The following COL19A1 variants were observed in gnomAD, a reference collection of about 807,000 sequenced individuals.
COL19A1 encodes the protein collagen alpha-1(XIX) chain.
COL19A1 carries 159 observed loss-of-function variants against 190.2 expected under a neutral mutation model. The observed-to-expected ratio is 0.84, with a 90% CI of 0.73 to 0.95. The LOEUF (loss-of-function observed/expected upper bound fraction) is 0.95, where lower values mean the gene tolerates loss of function less well. COL19A1 is among the 40% of genes least tolerant of loss of function. The pLI, the probability that COL19A1 is intolerant of heterozygous loss-of-function variation, is 0.00. For synonymous variants in COL19A1, 509 were observed against 458.9 expected, an observed-to-expected ratio of 1.11 and a Z score of -1.39; for missense variants, 1,418 against 1,431.9, an observed-to-expected ratio of 0.99 and a Z score of 0.16.
intron 11 of COL19A1, among the ~76,000 whole-genome samples, chr6:69,972,025 A>G (rs189609207): frequency 6.6e-6 from 1 of 152,332 alleles, no homozygotes; most frequent in East Asian, 1.9e-4. Flanking sequence ...CTCAGAACTC[A>G]TCTCTTCCCA....
chr6:69,982,265 C>G (rs2150066073), intron 11 of COL19A1, among the ~76,000 whole-genome samples: 1 of 129,358 alleles, frequency 7.7e-6, no homozygotes, highest in Non-Finnish European at 1.7e-5. Context: ...AGTCTCAGCT[C>G]ACTGCTACCT....
At chr6:70,106,441 C>T (rs1248248854) in intron 16 of COL19A1, among the ~76,000 whole-genome samples, 1 of 151,986 alleles carries the variant, frequency 6.6e-6, no homozygotes, top group African/African-American at 2.4e-5. Flanking sequence ...TTTACTAACA[C>T]TAGTTTTATT....
At chr6:69,989,452 A>G (rs2150072705) in intron 11 of COL19A1, among the ~76,000 whole-genome samples, 1 of 151,044 alleles carries the variant, frequency 6.6e-6, no homozygotes, top group African/African-American at 2.4e-5. Flanking sequence ...ACGTCCCTCT[A>G]TTTCTTTTGA....
intron 18 of COL19A1, among the ~76,000 whole-genome samples, chr6:70,133,755 A>G (rs182072521): frequency 1.3e-5 from 2 of 152,320 alleles, no homozygotes; most frequent in Non-Finnish European, 1.5e-5. Context: ...CTCTACAGTG[A>G]TAAATCACTG....
chr6:70,145,850 A>G (rs990132031), intron 25 of COL19A1, among the ~76,000 whole-genome samples: 4 of 151,384 alleles, frequency 2.6e-5, no homozygotes, highest in Non-Finnish European at 4.4e-5. Flanking sequence ...CCTCCTGAAT[A>G]GTGGTGACAA....
intron 14 of COL19A1, among the ~76,000 whole-genome samples, chr6:70,052,111 G>C (rs1037138236): frequency 6.6e-6 from 1 of 152,060 alleles, no homozygotes; most frequent in African/African-American, 2.4e-5. Context: ...TTAGAAAACT[G>C]CAACAGACTC....
chr6:70,049,500 G>A (rs796664254), intron 14 of COL19A1, among the ~76,000 whole-genome samples: 19 of 152,052 alleles, frequency 1.2e-4, no homozygotes, highest in African/African-American at 3.4e-4. Flanking sequence ...CAGTTGGCTC[G>A]TTCGACATGG....
intron 1 of COL19A1, among the ~76,000 whole-genome samples, chr6:69,869,887 C>T (rs1767720924): frequency 6.6e-6 from 1 of 152,128 alleles, no homozygotes; most frequent in African/African-American, 2.4e-5. Context: ...GAAGTAATAA[C>T]AAAACTGAGG....
At position 70,172,034 on chromosome 6, in the gene COL19A1, G is replaced by A. The variant is rs755606235; in HGVS notation, c.2622+17G>A. On this transcript the variant is annotated intron_variant, in intron 41 of 50. Coordinates refer to ENST00000620364, the MANE Select transcript of COL19A1 (RefSeq NM_001858.6). ...GGTGTAAAGGTAAGCACAGAAGTTA[G>A]AAATGTGTTCATTTATTCAACATTC... The A allele has an allele frequency of 1.2e-6, 2 of 1,606,420 alleles. No homozygotes were observed. The highest frequency in any genetic ancestry group is 1.1e-5 in the South Asian group (1 of 88,876).
intron 34 of COL19A1, among the ~76,000 whole-genome samples, chr6:70,160,436 A>G (rs1047440765): frequency 1.3e-5 from 2 of 152,150 alleles, no homozygotes; most frequent in Admixed American, 6.6e-5. Context: ...ACTCAGAGCC[A>G]AATCATATCA....
Position 70,159,272 on chromosome 6 carries a change from T to C in COL19A1, c.2292+2549T>C, listed in dbSNP as rs185491583. Among the ~76,000 whole-genome samples the C allele has an allele frequency of 2.0e-3, 306 of 152,118 alleles. 3 individuals are homozygous for C. Among genetic ancestry groups the C allele is most frequent in the African/African-American group, 5.6e-3 (232 of 41,536 alleles). On this transcript the variant is annotated intron_variant, in intron 34 of 50. Coordinates refer to ENST00000620364, the MANE Select transcript of COL19A1 (RefSeq NM_001858.6). ...GTATAACATTTATAATCTCCAGTCA[T>C]TTAGAGGTGCCATTATCAATGAAAA...
chr6:70,109,626 C>T (rs975602959), intron 16 of COL19A1, among the ~76,000 whole-genome samples: 5 of 149,822 alleles, frequency 3.3e-5, no homozygotes, highest in Admixed American at 2.0e-4. Flanking sequence ...AATTACTGTT[C>T]CTACTGATTC....
chr6:70,065,769 A>G (rs1225503332), intron 14 of COL19A1, among the ~76,000 whole-genome samples: 5 of 152,318 alleles, frequency 3.3e-5, no homozygotes, highest in East Asian at 1.9e-4. Flanking sequence ...CAAGAAAAAA[A>G]CAAACAACCC....
intron 11 of COL19A1, among the ~76,000 whole-genome samples, chr6:70,003,110 A>ACTT (rs201189735): frequency 0.014 from 2,104 of 152,216 alleles, 43 homozygotes; most frequent in East Asian, 0.069. Context: ...GTTTCAAAGA[A>ACTT]CTTGATTTCT....
chr6:70,122,528 A>G (rs1784943400), intron 17 of COL19A1, among the ~76,000 whole-genome samples: 1 of 152,204 alleles, frequency 6.6e-6, no homozygotes, highest in South Asian at 2.1e-4. Context: ...GTGGCAGCCA[A>G]GAGAAGATCT....
chr6:69,912,146 A>T (rs541821849), intron 4 of COL19A1, among the ~76,000 whole-genome samples: 2 of 152,182 alleles, frequency 1.3e-5, no homozygotes, highest in East Asian at 3.9e-4. Flanking sequence ...GGAATCCTAC[A>T]TATCCTAGAA....
At position 69,951,170 on chromosome 6, in the gene COL19A1, T is replaced by G. The variant is rs531776070; in HGVS notation, c.937-8826T>G. On this transcript the variant is annotated intron_variant, in intron 9 of 50. Transcript: ENST00000620364. ...ACTTTACTATGCTAATATTAAATAC[T>G]CAGAGTTAGACTGCCTGGGTTTGAA... 6.6e-5 allele frequency among the ~76,000 whole-genome samples: 10 copies of G among 152,056 alleles called. No homozygotes were observed. In the East Asian group the frequency reaches 1.9e-3, roughly 29 times the overall value.
At chr6:70,083,050 G>T (rs1225346987) in intron 15 of COL19A1, among the ~76,000 whole-genome samples, 1 of 152,196 alleles carries the variant, frequency 6.6e-6, no homozygotes, top group Admixed American at 6.5e-5. Context: ...ACCGGTACCA[G>T]CCTGGGGCCT....
intron 41 of COL19A1, among the ~76,000 whole-genome samples, chr6:70,173,466 C>T (rs1447484728): frequency 1.3e-5 from 2 of 152,132 alleles, no homozygotes; most frequent in Non-Finnish European, 2.9e-5. Flanking sequence ...AGGAGGAAAA[C>T]TTGGTATCCT....
Sources: allele counts gnomAD v4.1 joint callset (sites outside exome capture counted in the v4.1 genomes callset), GRCh38; gene constraint gnomAD v4.1.1; transcripts MANE v1.5; gene names NCBI Gene and HGNC (gene_info 2026-07-23, HGNC 2026-07-21).